RMDN1: variants seen among roughly 807,000 people sequenced by gnomAD.
RMDN1 encodes regulator of microtubule dynamics protein 1.
Under a neutral mutation model 48.9 loss-of-function variants are expected in RMDN1, and 48 were observed. The observed-to-expected ratio is 0.98, with a 90% CI of 0.78 to 1.25. The LOEUF (loss-of-function observed/expected upper bound fraction) is 1.25, where lower values mean the gene tolerates loss of function less well. RMDN1 is among the 50% of genes most tolerant of loss of function. The probability of loss-of-function intolerance (pLI) is 0.00; values close to 1 mark genes in which losing one functional copy is unlikely to be tolerated. For missense variants in RMDN1, 418 were observed against 373.4 expected (o/e 1.12, Z -0.98); for synonymous variants, 148 against 132.6 (o/e 1.12, Z -0.80).
In RMDN1 at chr8:86,508,478, G is replaced by C; in HGVS notation, c.129+14C>G. 2 of 1,542,420 alleles carry C rather than the reference G, an allele frequency of 1.3e-6. No homozygotes were observed. The highest frequency in any genetic ancestry group is 2.1e-4 in the Middle Eastern group (1 of 4,876). ...GTAGGAAGTGAGGAGCGGGAGCCAG[G>C]ACCACGGGGGTACCTCGAAGCCGCG... On this transcript the variant is annotated intron_variant, in intron 1 of 9. Coordinates refer to ENST00000406452, the MANE Select transcript of RMDN1 (RefSeq NM_016033.3).
At chr8:86,484,758 C>A in intron 5 of RMDN1, 114 bp downstream of exon 5, 3 of 500,548 alleles carry the variant, frequency 6.0e-6, no homozygotes, top group Non-Finnish European at 7.2e-6. Context: ...TGTCATGGCT[C>A]TACTCCACTG....
In RMDN1 at chr8:86,474,972, A is replaced by G; in HGVS notation, c.761-19T>C. The G allele has an allele frequency of 6.3e-7, 1 of 1,575,300 alleles. No homozygotes were observed. Among genetic ancestry groups the G allele is most frequent in the Non-Finnish European group, 8.6e-7 (1 of 1,167,272 alleles). On this transcript the variant is annotated intron_variant, in intron 8 of 9. Transcript: ENST00000406452. ...GGATCCACTGCACATAAGAAAGAAA[A>G]AATGATCTCAGAGGAAACAGTGTTG...
intron 2 of RMDN1, among the ~76,000 whole-genome samples, chr8:86,494,372 A>G (rs1275856371): frequency 1.3e-5 from 2 of 152,122 alleles, no homozygotes; most frequent in Non-Finnish European, 2.9e-5. Context: ...CCTGGCCAAC[A>G]TGGCAAAACC....
intron 2 of RMDN1, among the ~76,000 whole-genome samples, chr8:86,500,066 C>A (rs978159276): frequency 6.6e-5 from 10 of 151,988 alleles, no homozygotes; most frequent in African/African-American, 2.4e-4. Flanking sequence ...ATAAGACCTA[C>A]AACTATAAAA....
intron 2 of RMDN1, among the ~76,000 whole-genome samples, chr8:86,498,932 T>C (rs142409407): frequency 1.6e-4 from 25 of 152,290 alleles, no homozygotes; most frequent in African/African-American, 6.0e-4. Context: ...ATAAATGGGA[T>C]TCATCACAGA....
chr8:86,496,313 G>C (rs1331291160), intron 2 of RMDN1, among the ~76,000 whole-genome samples: 1 of 152,210 alleles, frequency 6.6e-6, no homozygotes, highest in Admixed American at 6.5e-5. Flanking sequence ...GACCTTGAAT[G>C]TATACAGGCT....
chr8:86,473,323 C>G lies in RMDN1; in HGVS notation c.*985G>C, dbSNP rs954911383. The stretch of plus-strand genomic sequence containing the variant: ...AAAAAGATTTTGCAGTGGTGGCACT[C>G]CAGCCTCAAGTGAGTAGCATAGTCC... On this transcript the variant is annotated 3_prime_UTR_variant, in exon 10 of 10. Transcript: ENST00000406452. 1.0e-6 allele frequency: 1 copy of G among 985,418 alleles called. No homozygotes were observed. 61.0% of individuals were successfully genotyped at this position (985,418 alleles called of 1,614,324 possible).
chr8:86,475,028 C>A, intron 8 of RMDN1, 75 bp from the exon 9 acceptor site: 1 of 1,314,156 alleles, frequency 7.6e-7, no homozygotes, highest in East Asian at 2.4e-5. Context: ...TTTCTGAGGT[C>A]TAAATTTCAA....
Position 86,472,499 on chromosome 8 carries a change from G to A in RMDN1, c.*1809C>T. On this transcript the variant is annotated 3_prime_UTR_variant, in exon 10 of 10. Coordinates refer to ENST00000406452, the MANE Select transcript of RMDN1 (RefSeq NM_016033.3). ...CTTCACCTACAAAAATAAAATTACA[G>A]TATACAATAACCTTTTAAAATACAG... The A allele has an allele frequency of 1.4e-6, 1 of 702,270 alleles. No individual in the cohort carries two copies. The allele number at this position is 702,270 out of a possible 1,614,324, so 43.5% of individuals were successfully genotyped here. A position where few individuals can be genotyped will look rare whatever the true frequency, so the allele number is the denominator to read the frequency against.
At chr8:86,496,651 T>G (rs1354152173) in intron 2 of RMDN1, among the ~76,000 whole-genome samples, 3 of 152,182 alleles carry the variant, frequency 2.0e-5, no homozygotes, top group Non-Finnish European at 2.9e-5. Context: ...AACAAGTTCT[T>G]AGAGACCTAC....
chr8:86,477,836 C>T (rs1350551473), intron 7 of RMDN1, among the ~76,000 whole-genome samples: 1 of 150,870 alleles, frequency 6.6e-6, no homozygotes, highest in Admixed American at 6.6e-5. Flanking sequence ...AGAAACATAA[C>T]TAATTTGATA....
chr8:86,485,784 C>T (rs1040067355), intron 4 of RMDN1, among the ~76,000 whole-genome samples: 3 of 152,048 alleles, frequency 2.0e-5, no homozygotes, highest in African/African-American at 7.2e-5. Context: ...AACCCAGGTG[C>T]TGTGGAAAGT....
downstream of RMDN1, chr8:86,470,434 T>G: frequency 1.6e-6 from 2 of 1,260,656 alleles, no homozygotes; most frequent in African/African-American, 1.5e-5. Context: ...TGGAAGAGAC[T>G]TAGTGCACAG....
At chr8:86,503,366 C>A (rs57009532) in intron 2 of RMDN1, among the ~76,000 whole-genome samples, 1,102 of 70,340 alleles carry the variant, frequency 0.016, 43 homozygotes, top group African/African-American at 0.038. Flanking sequence ...CAAAACAAAA[C>A]AAAACAAAAA....
In RMDN1 at chr8:86,482,801, C is replaced by G. The variant is rs1427451215; in HGVS notation, c.585+2071G>C. The G allele has an allele frequency of 6.2e-6, 6 of 969,104 alleles. No individual in the cohort carries two copies. The African/African-American group carries it at 9.6e-5, about 15-fold the overall frequency. The allele number at this position is 969,104 out of a possible 1,614,324, so 60.0% of individuals were successfully genotyped here. A position where few individuals can be genotyped will look rare whatever the true frequency, so the allele number is the denominator to read the frequency against. On this transcript the variant is annotated intron_variant, in intron 5 of 9. Coordinates refer to ENST00000406452, the MANE Select transcript of RMDN1 (RefSeq NM_016033.3). ...TGACAAGTAGTGGCATTATCAGAAC[C>G]CAAAATGGAGACGGAGCCATCCTTT...
rs531530973 is a variant in RMDN1 at position 86,504,137 on chromosome 8, C to T, written c.247+2858G>A. On this transcript the variant is annotated intron_variant, in intron 2 of 9. Coordinates refer to ENST00000406452, the MANE Select transcript of RMDN1 (RefSeq NM_016033.3). ...ATCCTTGGGTCTGAAGAGCTATGGC[C>T]GGTATTATTGGGCTTTACCATCCTT... is the stretch of plus-strand genomic sequence containing the variant. 31 of 1,240,396 alleles carry T rather than the reference C, an allele frequency of 2.5e-5. No individual in the cohort carries two copies. The African/African-American group carries it at 3.4e-4, about 14-fold the overall frequency. The allele number at this position is 1,240,396 out of a possible 1,614,324, so 76.8% of individuals were successfully genotyped here.
upstream of RMDN1, among the ~76,000 whole-genome samples, chr8:86,511,761 C>T (rs1820053905): frequency 6.8e-6 from 1 of 147,578 alleles, no homozygotes; most frequent in African/African-American, 2.5e-5. Context: ...TGTGGTGAAT[C>T]GTATTCGCAC....
chr8:86,481,137 G>A (rs1586624208), intron 5 of RMDN1, among the ~76,000 whole-genome samples: 1 of 152,046 alleles, frequency 6.6e-6, no homozygotes, highest in South Asian at 2.1e-4. Flanking sequence ...TTTGCTTTCA[G>A]TTTAGTAATG....
intron 6 of RMDN1, among the ~76,000 whole-genome samples, chr8:86,479,321 A>G (rs1273284729): frequency 6.6e-6 from 1 of 152,196 alleles, no homozygotes; most frequent in African/African-American, 2.4e-5. Context: ...ATTATATATG[A>G]GATAGGATAA....
Sources: allele counts gnomAD v4.1 joint callset (sites outside exome capture counted in the v4.1 genomes callset), GRCh38; gene constraint gnomAD v4.1.1; transcripts MANE v1.5; gene names NCBI Gene and HGNC (gene_info 2026-07-23, HGNC 2026-07-21).